The following MTHFD2L variants were observed in gnomAD, a reference collection of about 807,000 sequenced individuals.
The protein encoded by MTHFD2L is bifunctional methylenetetrahydrofolate dehydrogenase/cyclohydrolase 2, mitochondrial.
MTHFD2L carries 29 observed loss-of-function variants against 34.9 expected under a neutral mutation model. The observed-to-expected ratio is 0.83, with a 90% CI of 0.62 to 1.13. The LOEUF (loss-of-function observed/expected upper bound fraction) is 1.13, where lower values mean the gene tolerates loss of function less well. Among genes scored for constraint, MTHFD2L ranks in the 50% most tolerant of loss-of-function variants. The pLI is 0.00. For missense variants in MTHFD2L, 481 were observed against 446.5 expected (o/e 1.08, Z -0.70); for synonymous variants, 167 against 155.7 (o/e 1.07, Z -0.54).
At chr4:74,201,147 CATA>C (rs1734351328) in intron 4 of MTHFD2L, 113 bp from the exon 5 acceptor site, 2 of 659,994 alleles carry the variant, frequency 3.0e-6, no homozygotes, top group Non-Finnish European at 5.1e-6. Flanking sequence ...AGATAAGCCA[CATA>C]ATAATTCAGA....
upstream of MTHFD2L, among the ~76,000 whole-genome samples, chr4:74,119,141 G>T (rs574990440): frequency 6.6e-6 from 1 of 152,152 alleles, no homozygotes; most frequent in African/African-American, 2.4e-5. Flanking sequence ...TGGCAAGTGC[G>T]TTGATGTACT....
chr4:74,200,370 G>A (rs116309282), intron 4 of MTHFD2L, among the ~76,000 whole-genome samples: 11 of 152,020 alleles, frequency 7.2e-5, no homozygotes, highest in African/African-American at 1.7e-4. Flanking sequence ...AAAATGAAAC[G>A]AAGAGCATTA....
chr4:74,294,841 G>A (rs1023432093), intron 7 of MTHFD2L, among the ~76,000 whole-genome samples: 2 of 152,060 alleles, frequency 1.3e-5, no homozygotes, highest in Non-Finnish European at 2.9e-5. Flanking sequence ...ACATAGGGGG[G>A]AAAGTCATCA....
At chr4:74,116,751 G>A (rs536358296) in intron 2 of MTHFD2L, among the ~76,000 whole-genome samples, 10 of 152,308 alleles carry the variant, frequency 6.6e-5, no homozygotes, top group African/African-American at 1.4e-4. Context: ...TGGCCAAAAC[G>A]ATGAAACAGA....
In MTHFD2L at chr4:74,285,281, G is replaced by A. The variant is rs150809960; in HGVS notation, c.931+3731G>A. ...GGTGCAGCACACCCACATGGCACAT[G>A]TATACATATGTAACAAGACTGCACG... On this transcript the variant is annotated intron_variant, in intron 7 of 7. Transcript: ENST00000325278. Among the ~76,000 whole-genome samples the A allele has an allele frequency of 1.6e-3, 246 of 151,788 alleles. 1 individual carries two copies. The highest frequency in any genetic ancestry group is 5.8e-3 in the African/African-American group (240 of 41,380).
At chr4:74,169,189 A>T (rs1727379612) in intron 1 of MTHFD2L, among the ~76,000 whole-genome samples, 1 of 152,236 alleles carries the variant, frequency 6.6e-6, no homozygotes, top group Non-Finnish European at 1.5e-5. Context: ...GAGCTGACTT[A>T]GCACCTCAGT....
At chr4:74,274,807 T>G (rs929664578) in intron 6 of MTHFD2L, among the ~76,000 whole-genome samples, 1 of 152,186 alleles carries the variant, frequency 6.6e-6, no homozygotes, top group Non-Finnish European at 1.5e-5. Context: ...ACTATTTATG[T>G]TGTAGAAATC....
chr4:74,296,160 A>G (rs913814977), intron 7 of MTHFD2L, among the ~76,000 whole-genome samples: 8 of 152,194 alleles, frequency 5.3e-5, no homozygotes, highest in African/African-American at 1.9e-4. Flanking sequence ...ATATAGGGCT[A>G]GAACATGATG....
intron 5 of MTHFD2L, among the ~76,000 whole-genome samples, chr4:74,207,819 T>A (rs1560487671): frequency 7.2e-6 from 1 of 139,672 alleles, no homozygotes; most frequent in African/African-American, 2.8e-5. Context: ...CTACAGGACA[T>A]AATAACACAG....
chr4:74,163,117 TATC>T (rs1725819498), intron 1 of MTHFD2L, among the ~76,000 whole-genome samples: 2 of 152,270 alleles, frequency 1.3e-5, no homozygotes, highest in Non-Finnish European at 1.5e-5. Flanking sequence ...AAATACATAA[TATC>T]ATCAGTACAT....
chr4:74,147,047 T>G (rs947054178), intron 1 of MTHFD2L, among the ~76,000 whole-genome samples: 2 of 152,178 alleles, frequency 1.3e-5, no homozygotes, highest in Non-Finnish European at 2.9e-5. Flanking sequence ...CTGTGCTATC[T>G]TGGAGAATAC....
At chr4:74,251,911 C>T (rs1477483950) in intron 6 of MTHFD2L, among the ~76,000 whole-genome samples, 1 of 152,126 alleles carries the variant, frequency 6.6e-6, no homozygotes, top group African/African-American at 2.4e-5. Flanking sequence ...ATAAGGATGT[C>T]ACCTTAATAA....
At chr4:74,137,715 T>A (rs927632504) in intron 1 of MTHFD2L, among the ~76,000 whole-genome samples, 14 of 152,132 alleles carry the variant, frequency 9.2e-5, no homozygotes, top group African/African-American at 3.4e-4. Flanking sequence ...TAAGTGCCCA[T>A]AAATGGAGGA....
intron 3 of MTHFD2L, among the ~76,000 whole-genome samples, chr4:74,189,500 T>C (rs1732078552): frequency 1.3e-5 from 2 of 148,942 alleles, no homozygotes; most frequent in African/African-American, 5.0e-5. Context: ...TTTTTTTTTT[T>C]TTTTTTTTTT....
intron 1 of MTHFD2L, among the ~76,000 whole-genome samples, chr4:74,150,896 A>G (rs1723894649): frequency 6.6e-6 from 1 of 152,086 alleles, no homozygotes; most frequent in African/African-American, 2.4e-5. Context: ...AAAATAAAGA[A>G]GGCCATTATA....
intron 5 of MTHFD2L, among the ~76,000 whole-genome samples, chr4:74,213,817 A>G (rs898997517): frequency 6.6e-6 from 1 of 152,016 alleles, no homozygotes. Context: ...ACTTGGTTCC[A>G]TTCTCCCTGT....
intron 6 of MTHFD2L, among the ~76,000 whole-genome samples, chr4:74,253,922 C>T (rs912614118): frequency 5.9e-5 from 9 of 152,148 alleles, no homozygotes; most frequent in Non-Finnish European, 1.3e-4. Context: ...TAGGCCTGTC[C>T]CCATAGTGAC....
At chr4:74,279,353 A>G (rs1164672549) in intron 6 of MTHFD2L, among the ~76,000 whole-genome samples, 2 of 151,960 alleles carry the variant, frequency 1.3e-5, no homozygotes, top group South Asian at 2.1e-4. Flanking sequence ...CACTAAAAAT[A>G]CTAATACTTA....
At chr4:74,165,822 A>G (rs974559021) in intron 1 of MTHFD2L, among the ~76,000 whole-genome samples, 6 of 152,222 alleles carry the variant, frequency 3.9e-5, no homozygotes, top group African/African-American at 1.2e-4. Flanking sequence ...CATTTTGCAC[A>G]TTGAAATGGG....
Sources: gnomAD v4.1 joint callset for allele counts (sites outside exome capture counted in the v4.1 genomes callset) on GRCh38, gnomAD v4.1.1 for gene constraint, MANE v1.5 for transcripts, NCBI Gene and HGNC (gene_info 2026-07-23, HGNC 2026-07-21) for gene names.